Variants in FAM107B observed in about 807,000 individuals in gnomAD.
FAM107B encodes protein FAM107B.
FAM107B carries 21 observed loss-of-function variants against 31.5 expected under a neutral mutation model. The observed-to-expected ratio is 0.67, with a 90% CI of 0.47 to 0.96. The LOEUF (loss-of-function observed/expected upper bound fraction) is 0.96. FAM107B is among the 40% of genes least tolerant of loss of function. The pLI, the probability that FAM107B is intolerant of heterozygous loss-of-function variation, is 0.00. For missense variants in FAM107B, 452 were observed against 377.1 expected, an observed-to-expected ratio of 1.20 and a Z score of -1.64; for synonymous variants, 157 against 141.5, an observed-to-expected ratio of 1.11 and a Z score of -0.78.
At position 14,600,733 on chromosome 10, in the gene FAM107B, G is replaced by A. The variant is rs1017813849; in HGVS notation, c.469+66901C>T. On this transcript the variant is annotated intron_variant, in intron 2 of 4. Transcript: ENST00000181796. ...CAGCTCACTGCAGCCTCGAACTCCTGGGCTCAAGTGATCCTCCTGCTTCAG... is the reference window on the plus strand; with the variant it reads ...CAGCTCACTGCAGCCTCGAACTCCTAGGCTCAAGTGATCCTCCTGCTTCAG... 2.6e-5 allele frequency among the ~76,000 whole-genome samples: 4 copies of A among 152,162 alleles called. No homozygotes were observed. The East Asian group carries it at 7.7e-4, about 29-fold the overall frequency.
intron 2 of FAM107B, among the ~76,000 whole-genome samples, chr10:14,606,072 C>T (rs977621406): frequency 1.3e-5 from 2 of 152,144 alleles, no homozygotes; most frequent in African/African-American, 2.4e-5. Context: ...GCTTGAAACA[C>T]TTTAGTGGAT....
chr10:14,684,912 C>T (rs1009565027), intron 1 of FAM107B, among the ~76,000 whole-genome samples: 3 of 151,838 alleles, frequency 2.0e-5, no homozygotes, highest in Admixed American at 6.6e-5. Flanking sequence ...CCTCAATCTC[C>T]GGGGCTCAAG....
At chr10:14,626,705 G>GT (rs1299733914) in intron 2 of FAM107B, among the ~76,000 whole-genome samples, 3 of 151,772 alleles carry the variant, frequency 2.0e-5, no homozygotes, top group African/African-American at 2.4e-5. Context: ...GGGTTTCACC[G>GT]TGTTAGCCAG....
At chr10:14,564,592 C>T (rs752318225) in intron 2 of FAM107B, among the ~76,000 whole-genome samples, 2 of 151,592 alleles carry the variant, frequency 1.3e-5, no homozygotes, top group African/African-American at 2.4e-5. Flanking sequence ...ATCTGAAATA[C>T]ACTCATCTCC....
intron 1 of FAM107B, among the ~76,000 whole-genome samples, chr10:14,768,578 G>T (rs1026030832): frequency 2.0e-5 from 3 of 152,164 alleles, no homozygotes; most frequent in African/African-American, 7.2e-5. Flanking sequence ...GAGAAATTTG[G>T]ATATCTACAT....
intron 3 of FAM107B, among the ~76,000 whole-genome samples, chr10:14,526,513 G>A (rs936693647): frequency 3.3e-5 from 5 of 152,132 alleles, no homozygotes; most frequent in African/African-American, 1.2e-4. Context: ...TGTAATCTTT[G>A]GTTTGGCCTG....
At chr10:14,570,086 A>T (rs1322031167) in intron 2 of FAM107B, among the ~76,000 whole-genome samples, 2 of 152,258 alleles carry the variant, frequency 1.3e-5, no homozygotes, top group Non-Finnish European at 2.9e-5. Context: ...TTAGGATTGC[A>T]TTTATCATTG....
chr10:14,527,367 A>G (rs1342783370), intron 3 of FAM107B, among the ~76,000 whole-genome samples: 2 of 152,242 alleles, frequency 1.3e-5, no homozygotes, highest in African/African-American at 4.8e-5. Context: ...TAGAAAGAGC[A>G]TAGGTTTCGC....
intron 2 of FAM107B, among the ~76,000 whole-genome samples, chr10:14,609,595 C>T (rs11259221): frequency 0.23 from 34,657 of 152,080 alleles, 4,524 homozygotes; most frequent in East Asian, 0.39. Flanking sequence ...GGGCTCTAGA[C>T]TCAGACTTAA....
intron 1 of FAM107B, among the ~76,000 whole-genome samples, chr10:14,719,231 G>A (rs922979247): frequency 6.6e-6 from 1 of 152,262 alleles, no homozygotes; most frequent in East Asian, 1.9e-4. Flanking sequence ...CCTGGGTTCG[G>A]GAGTCAGAGT....
chr10:14,550,838 G>C (rs1588557624), intron 2 of FAM107B, among the ~76,000 whole-genome samples: 1 of 152,218 alleles, frequency 6.6e-6, no homozygotes, highest in East Asian at 1.9e-4. Flanking sequence ...AAAAGGACAA[G>C]GACAAAGGAC....
At chr10:14,751,757 C>T (rs1230410802) in intron 1 of FAM107B, among the ~76,000 whole-genome samples, 3 of 152,118 alleles carry the variant, frequency 2.0e-5, no homozygotes, top group African/African-American at 7.2e-5. Flanking sequence ...CTAGAGTTGA[C>T]TCTGTGTTCC....
chr10:14,651,375 G>A (rs1257091085), intron 2 of FAM107B, among the ~76,000 whole-genome samples: 1 of 152,232 alleles, frequency 6.6e-6, no homozygotes, highest in African/African-American at 2.4e-5. Context: ...GGAGGCTGAG[G>A]CGGGCAGATC....
Position 14,671,016 on chromosome 10 carries a change from G to A in FAM107B, c.412-3325C>T, listed in dbSNP as rs74122897. On this transcript the variant is annotated intron_variant, in intron 1 of 4. Transcript: ENST00000181796. ...AGACATCTGTTGATTTTGCTGCCTA[G>A]TACTCACTGACTCACTATCTAGTAA... 4.4e-3 allele frequency among the ~76,000 whole-genome samples: 670 copies of A among 152,216 alleles called. 5 individuals are homozygous for A. Among genetic ancestry groups the A allele is most frequent in the African/African-American group, 0.016 (649 of 41,534 alleles).
At chr10:14,537,080 G>GT (rs1847695322) in intron 2 of FAM107B, among the ~76,000 whole-genome samples, 1 of 152,154 alleles carries the variant, frequency 6.6e-6, no homozygotes, top group Non-Finnish European at 1.5e-5. Flanking sequence ...GCTGGCCCGA[G>GT]TGAGGTGGGA....
chr10:14,702,807 C>T (rs534967052), intron 1 of FAM107B, among the ~76,000 whole-genome samples: 1 of 152,148 alleles, frequency 6.6e-6, no homozygotes. Flanking sequence ...ATTTTGCCCT[C>T]AAAGATCAAC....
intron 2 of FAM107B, among the ~76,000 whole-genome samples, chr10:14,656,628 A>G (rs954536971): frequency 6.6e-6 from 1 of 152,244 alleles, no homozygotes; most frequent in African/African-American, 2.4e-5. Context: ...GCAAACAGTT[A>G]AAGATCATCA....
At chr10:14,601,739 G>C (rs1852405121) in intron 2 of FAM107B, among the ~76,000 whole-genome samples, 1 of 152,156 alleles carries the variant, frequency 6.6e-6, no homozygotes, top group South Asian at 2.1e-4. Context: ...CTTGCACACA[G>C]AATTCTGGAG....
At chr10:14,724,333 G>A (rs745748094) in intron 1 of FAM107B, among the ~76,000 whole-genome samples, 2 of 152,150 alleles carry the variant, frequency 1.3e-5, no homozygotes, top group Non-Finnish European at 2.9e-5. Flanking sequence ...CTATCCAGTT[G>A]TCCCAACACT....
Sources: allele counts gnomAD v4.1 joint callset (sites outside exome capture counted in the v4.1 genomes callset), GRCh38; gene constraint gnomAD v4.1.1; transcripts MANE v1.5; gene names NCBI Gene and HGNC (gene_info 2026-07-23, HGNC 2026-07-21).